ZNF117: variants seen among roughly 807,000 people sequenced by gnomAD.
ZNF117 encodes Krueppel-related zinc finger protein.
A neutral mutation model predicts 41.2 loss-of-function variants in ZNF117; 37 were observed. The ratio of observed to expected loss-of-function variants is 0.90; its 90% confidence interval spans 0.69 to 1.18. ZNF117 has a LOEUF of 1.18. Among genes scored for constraint, ZNF117 ranks in the 50% most tolerant of loss-of-function variants. ZNF117 has a pLI of 0.00. For missense variants in ZNF117, 546 were observed against 557.5 expected (o/e 0.98, Z 0.21); for synonymous variants, 186 against 186.6 (o/e 1.00, Z 0.02).
At chr7:64,979,210 G>A (rs1274215259) in exon 3 of ZNF117, 9 of 1,609,474 alleles carry the variant, frequency 5.6e-6, no homozygotes, top group Admixed American at 1.7e-5. Flanking sequence ...AGGTGTGAAA[G>A]CATGCAAAAT....
chr7:64,989,861 C>T (rs563233695), intron 1 of ZNF117, 86 bp downstream of exon 1: 2 of 152,136 alleles, frequency 1.3e-5, no homozygotes, highest in African/African-American at 4.8e-5. Context: ...ATCATGAGGT[C>T]AAGAGATCCA....
downstream of ZNF117, chr7:64,973,603 T>C (rs1376044276): frequency 6.6e-6 from 1 of 151,934 alleles, no homozygotes; most frequent in Non-Finnish European, 1.5e-5. Flanking sequence ...AAGCAATTTT[T>C]GAGTGCATTA....
At chr7:64,978,819 C>G (rs755964676) in exon 3 of ZNF117, 1 of 1,613,542 alleles carries the variant, frequency 6.2e-7, no homozygotes, top group Non-Finnish European at 8.5e-7. Context: ...GCATTCTTCA[C>G]ATTCATAACG....
intron 1 of ZNF117, among the ~76,000 whole-genome samples, chr7:64,989,482 TATATATATATATATATAA>T (rs1233507658): frequency 7.0e-5 from 5 of 71,610 alleles, no homozygotes; most frequent in African/African-American, 2.6e-4. Flanking sequence ...TATATATATA[TATATATATATATATATAA>T]AACCTGAAAA....
chr7:64,989,412 T>C (rs1310633993), intron 1 of ZNF117, among the ~76,000 whole-genome samples: 1 of 124,262 alleles, frequency 8.0e-6, no homozygotes, highest in Non-Finnish European at 1.6e-5. Flanking sequence ...CAATTCAAGA[T>C]GAATTAAAGA....
At chr7:64,982,650 G>A (rs183454149), upstream of ZNF117, among the ~76,000 whole-genome samples, 30 of 152,204 alleles carry the variant, frequency 2.0e-4, no homozygotes, top group East Asian at 5.6e-3. Flanking sequence ...CTAGTAGGTG[G>A]GTGAGCCTGT....
chr7:64,983,257 C>T (rs927487542), upstream of ZNF117, among the ~76,000 whole-genome samples: 1 of 152,094 alleles, frequency 6.6e-6, no homozygotes, highest in African/African-American at 2.4e-5. Context: ...AGCTTTTCCC[C>T]AATAGGAATC....
exon 3 of ZNF117, chr7:64,975,097 T>C (rs891040029): frequency 4.6e-5 from 7 of 151,982 alleles, no homozygotes; most frequent in African/African-American, 1.7e-4. Context: ...GAGATGTTAG[T>C]CCACTCTGTT....
chr7:64,988,654 C>G (rs571513862), intron 1 of ZNF117, among the ~76,000 whole-genome samples: 1 of 152,152 alleles, frequency 6.6e-6, no homozygotes, highest in African/African-American at 2.4e-5. Context: ...GAAAGGAAGT[C>G]AAACTTCCCA....
exon 3 of ZNF117, chr7:64,978,373 G>A: frequency 1.2e-6 from 2 of 1,613,424 alleles, no homozygotes; most frequent in African/African-American, 1.3e-5. Context: ...TTTGAGGATA[G>A]GTGGAAAACT....
exon 3 of ZNF117, chr7:64,976,833 A>AATTT: frequency 2.4e-6 from 1 of 414,134 alleles, no homozygotes; most frequent in South Asian, 1.8e-5. Flanking sequence ...TCCAGTATTA[A>AATTT]TTTTCTTATG....
At position 64,977,714 on chromosome 7, in the gene ZNF117, G is replaced by T. The variant is rs910699309; in HGVS notation, c.*405C>A. ...GGTTTACGTATAGGTTGAAAGCTTT[G>T]CCACATTCTTCACATTTATATGGTT... is the stretch of plus-strand genomic sequence containing the variant. On this transcript the variant is annotated 3_prime_UTR_variant, in exon 3 of 3. Coordinates refer to ENST00000620222, the Ensembl canonical transcript of ZNF117. 3 of 871,750 alleles carry T rather than the reference G, an allele frequency of 3.4e-6. No homozygotes were observed. The East Asian group carries it at 1.2e-4, about 34-fold the overall frequency. 54.0% of individuals were successfully genotyped at this position (871,750 alleles called of 1,614,324 possible).
upstream of ZNF117, among the ~76,000 whole-genome samples, chr7:64,983,111 T>C (rs1029256534): frequency 3.3e-5 from 5 of 152,202 alleles, no homozygotes; most frequent in African/African-American, 1.2e-4. Context: ...TCCTAATAAT[T>C]TGTTTCAGAA....
exon 3 of ZNF117, chr7:64,978,539 T>G (rs369540832): frequency 9.9e-6 from 16 of 1,612,728 alleles, no homozygotes; most frequent in Non-Finnish European, 1.4e-5. Flanking sequence ...GGTTTGAGAG[T>G]TGGTTAAAAG....
exon 3 of ZNF117, chr7:64,975,541 A>G (rs1785866301): frequency 6.6e-6 from 1 of 151,550 alleles, no homozygotes; most frequent in Non-Finnish European, 1.5e-5. Context: ...AATGTCTCAT[A>G]TCTTTGATGA....
At chr7:64,987,364 A>G (rs1786156932) in intron 1 of ZNF117, among the ~76,000 whole-genome samples, 1 of 152,216 alleles carries the variant, frequency 6.6e-6, no homozygotes, top group South Asian at 2.1e-4. Flanking sequence ...TCAATTTAAC[A>G]ATGTAATATC....
exon 3 of ZNF117, chr7:64,978,783 T>G (rs1264010573): frequency 3.1e-6 from 5 of 1,613,338 alleles, no homozygotes; most frequent in Non-Finnish European, 4.2e-6. Flanking sequence ...TTCAGTAAGT[T>G]TTGAGGATCG....
chr7:64,977,356 T>C lies in ZNF117; in HGVS notation c.*763A>G, dbSNP rs62455643. The C allele has an allele frequency of 0.12, 50,135 of 411,718 alleles. 3,530 individuals are homozygous for C. The highest frequency in any genetic ancestry group is 0.14 in the Admixed American group (4,192 of 30,540). 25.5% of individuals were successfully genotyped at this position (411,718 alleles called of 1,614,324 possible). ...TGAATTATCTTATATGTAGAAAGGGTTGAAGACTGGCTAAAAGCTTTAGCA... is the reference window on the plus strand; with the variant it reads ...TGAATTATCTTATATGTAGAAAGGGCTGAAGACTGGCTAAAAGCTTTAGCA... On this transcript the variant is annotated 3_prime_UTR_variant, in exon 3 of 3. Transcript: ENST00000620222.
exon 3 of ZNF117, chr7:64,976,724 A>G (rs1295596682): frequency 2.0e-5 from 7 of 353,722 alleles, no homozygotes. Flanking sequence ...ACCATTCTTC[A>G]TATTTTTAAG....
Sources: gnomAD v4.1 joint callset for allele counts (sites outside exome capture counted in the v4.1 genomes callset) on GRCh38, gnomAD v4.1.1 for gene constraint, MANE v1.5 for transcripts, NCBI Gene and HGNC (gene_info 2026-07-23, HGNC 2026-07-21) for gene names.